The following ABCB5 variants were observed in gnomAD, a reference collection of about 807,000 sequenced individuals.
ABCB5 encodes ATP binding cassette subfamily B member 5.
A neutral mutation model predicts 144.2 loss-of-function variants in ABCB5; 155 were observed. That is an observed-to-expected ratio of 1.08 (90% CI 0.94 to 1.23). The LOEUF is 1.23. Ranked by LOEUF, ABCB5 falls within the 50% of genes most tolerant of loss-of-function variation. The pLI, the probability that ABCB5 is intolerant of heterozygous loss-of-function variation, is 0.00. For missense variants in ABCB5, 1,830 were observed against 1,520.8 expected (o/e 1.20, Z -3.38); for synonymous variants, 610 against 528.6 (o/e 1.15, Z -2.11).
At chr7:20,724,848 T>A (rs907324454) in intron 21 of ABCB5, among the ~76,000 whole-genome samples, 1 of 152,044 alleles carries the variant, frequency 6.6e-6, no homozygotes, top group Admixed American at 6.6e-5. Flanking sequence ...GCCTGAGCCT[T>A]AGACCTTTCC....
chr7:20,748,222 A>C (rs1782790705), intron 26 of ABCB5, among the ~76,000 whole-genome samples: 1 of 152,230 alleles, frequency 6.6e-6, no homozygotes, highest in South Asian at 2.1e-4. Flanking sequence ...AGTCCAAAGC[A>C]ACCACCACAA....
intron 5 of ABCB5, among the ~76,000 whole-genome samples, chr7:20,638,558 T>C (rs192018336): frequency 2.0e-5 from 3 of 152,348 alleles, no homozygotes; most frequent in East Asian, 3.9e-4. Flanking sequence ...CTGCTTTTCA[T>C]CTCAAAAGAT....
rs67014566 is a variant in ABCB5 at position 20,707,801 on chromosome 7, C to CTTTTTTTTTTTTT, written c.2421+3004_2421+3016dup. Among the ~76,000 whole-genome samples, 58 of 93,052 alleles carry CTTTTTTTTTTTTT rather than the reference C, an allele frequency of 6.2e-4. 1 individual carries two copies. The highest frequency in any genetic ancestry group is 7.7e-4 in the Non-Finnish European group (38 of 49,598). The allele number at this position is 93,052 out of a possible 152,430, so 61.0% of individuals were successfully genotyped here. Reference sequence around the variant, plus strand: ...TACCTGGACAATGGTAACCTCATTTCTTTTTTTTTTTTTTTTTTTTTTGAG... The same window carrying CTTTTTTTTTTTTT: ...TACCTGGACAATGGTAACCTCATTTCTTTTTTTTTTTTTTTTTTTTTTTTTTTTTTTTTTTGAG... On this transcript the variant is annotated intron_variant, in intron 20 of 27. Transcript: ENST00000404938.
chr7:20,693,000 A>T (rs992508425), intron 16 of ABCB5, among the ~76,000 whole-genome samples: 1 of 152,220 alleles, frequency 6.6e-6, no homozygotes, highest in Non-Finnish European at 1.5e-5. Context: ...AGATGACTTT[A>T]ATAGCACTAT....
rs1015814922 is a variant in ABCB5, at chr7:20,676,803, G to A, written c.1708-4702G>A. On this transcript the variant is annotated intron_variant, in intron 14 of 27. Coordinates refer to ENST00000404938, the MANE Select transcript of ABCB5 (RefSeq NM_001163941.2). Reference sequence around the variant, plus strand: ...ACAATAACTCTAAAATAGAGGTAGTGTAATTTTCCCTATTATCAAATGAAG... The same window carrying A: ...ACAATAACTCTAAAATAGAGGTAGTATAATTTTCCCTATTATCAAATGAAG... Among the ~76,000 whole-genome samples the A allele has an allele frequency of 7.2e-5, 11 of 152,276 alleles. No homozygotes were observed. The South Asian group carries it at 2.1e-3, about 29-fold the overall frequency.
intron 26 of ABCB5, among the ~76,000 whole-genome samples, chr7:20,746,760 T>C (rs1782737678): frequency 6.6e-6 from 1 of 152,184 alleles, no homozygotes; most frequent in Non-Finnish European, 1.5e-5. Flanking sequence ...GTTTATAATA[T>C]CTGAGTGTTT....
At position 20,628,560 on chromosome 7, in the gene ABCB5, T is replaced by G. The variant is rs562537587; in HGVS notation, c.109-128T>G. 2.0e-5 allele frequency: 17 copies of G among 867,080 alleles called. No individual in the cohort carries two copies. In the East Asian group the frequency reaches 4.6e-4, roughly 23 times the overall value. The allele number at this position is 867,080 out of a possible 1,614,324, so 53.7% of individuals were successfully genotyped here. The stretch of plus-strand genomic sequence containing the variant: ...ATATCTATGATTTTATGCACTTATT[T>G]ACCATCTTAATGTATAAAGTCATGT... On this transcript the variant is annotated intron_variant, in intron 3 of 27. Coordinates refer to ENST00000404938, the MANE Select transcript of ABCB5 (RefSeq NM_001163941.2).
chr7:20,625,855 C>T (rs1186657228), intron 2 of ABCB5, among the ~76,000 whole-genome samples: 1 of 152,124 alleles, frequency 6.6e-6, no homozygotes, highest in Non-Finnish European at 1.5e-5. Flanking sequence ...CACTCATATT[C>T]CTAACAGCGT....
At chr7:20,691,780 C>A (rs1041626824) in intron 16 of ABCB5, among the ~76,000 whole-genome samples, 1 of 151,976 alleles carries the variant, frequency 6.6e-6, no homozygotes, top group African/African-American at 2.4e-5. Flanking sequence ...AAGGATTAAA[C>A]TGTTTCCAAG....
At chr7:20,636,362 A>G (rs1784154953) in intron 5 of ABCB5, among the ~76,000 whole-genome samples, 1 of 152,164 alleles carries the variant, frequency 6.6e-6, no homozygotes, top group Non-Finnish European at 1.5e-5. Context: ...AAAAGGGACA[A>G]TAAGATGAAA....
intron 24 of ABCB5, among the ~76,000 whole-genome samples, chr7:20,742,098 G>A (rs1782580078): frequency 6.6e-6 from 1 of 152,232 alleles, no homozygotes; most frequent in Non-Finnish European, 1.5e-5. Flanking sequence ...ATAGGGCTGG[G>A]TGTGGTGGCT....
At chr7:20,636,982 A>T (rs559263133) in intron 5 of ABCB5, among the ~76,000 whole-genome samples, 1 of 152,148 alleles carries the variant, frequency 6.6e-6, no homozygotes, top group Non-Finnish European at 1.5e-5. Context: ...GGATACATAC[A>T]TGACAAATAC....
chr7:20,695,494 G>A (rs1219806645), intron 16 of ABCB5, among the ~76,000 whole-genome samples: 1 of 151,650 alleles, frequency 6.6e-6, no homozygotes, highest in African/African-American at 2.4e-5. Flanking sequence ...AAATCTTCAC[G>A]ACTTTGTGTT....
chr7:20,745,707 T>G (rs1273080612), intron 26 of ABCB5, among the ~76,000 whole-genome samples: 1 of 152,282 alleles, frequency 6.6e-6, no homozygotes, highest in Non-Finnish European at 1.5e-5. Flanking sequence ...ACACTGTGGC[T>G]GGTCCACACT....
In ABCB5 at chr7:20,667,366, A is replaced by G. The variant is rs1023638892; in HGVS notation, c.1707+8690A>G. The G allele has an allele frequency of 7.1e-6, 7 of 985,270 alleles. No homozygotes were observed. The African/African-American group carries it at 1.2e-4, about 17-fold the overall frequency. 61.0% of individuals were successfully genotyped at this position (985,270 alleles called of 1,614,324 possible). Reference sequence around the variant, plus strand: ...CCCTGTGAAGAAAAGAAGGTCTCTAACAATATAAACCTGTATCAGGAAACC... The same window carrying G: ...CCCTGTGAAGAAAAGAAGGTCTCTAGCAATATAAACCTGTATCAGGAAACC... On this transcript the variant is annotated intron_variant, in intron 14 of 27. Transcript: ENST00000404938.
intron 16 of ABCB5, among the ~76,000 whole-genome samples, chr7:20,689,545 G>A (rs1274438679): frequency 1.3e-5 from 2 of 152,146 alleles, no homozygotes; most frequent in African/African-American, 2.4e-5. Context: ...TGAGACATAG[G>A]ACTGTGCTCA....
At chr7:20,643,129 G>T in intron 5 of ABCB5, 55 bp from the exon 6 acceptor site, 1 of 1,447,520 alleles carries the variant, frequency 6.9e-7, no homozygotes. Flanking sequence ...TTTTATGTGT[G>T]TAACAAGATA....
intron 19 of ABCB5, among the ~76,000 whole-genome samples, chr7:20,701,859 T>C (rs765275244): frequency 1.3e-5 from 2 of 152,222 alleles, no homozygotes; most frequent in Non-Finnish European, 2.9e-5. Flanking sequence ...CCTTTTAAAA[T>C]TGGAGAAAAA....
intron 14 of ABCB5, chr7:20,667,288 T>A (rs897295665): frequency 2.0e-6 from 2 of 984,648 alleles, no homozygotes; most frequent in African/African-American, 3.5e-5. Flanking sequence ...AAATGCTTGA[T>A]AAGTAAATAA....
Sources: gnomAD v4.1 joint callset for allele counts (sites outside exome capture counted in the v4.1 genomes callset) on GRCh38, gnomAD v4.1.1 for gene constraint, MANE v1.5 for transcripts, NCBI Gene and HGNC (gene_info 2026-07-23, HGNC 2026-07-21) for gene names.